The following DST variants were observed in gnomAD, a reference collection of about 807,000 sequenced individuals.
DST encodes the protein dystonin, also known as bullous pemphigoid antigen.
DST carries 253 observed loss-of-function variants against 875.2 expected under a neutral mutation model. That is an observed-to-expected ratio of 0.29 (90% CI 0.26 to 0.32). The LOEUF is 0.32. Ranked by LOEUF, DST falls within the 10% of genes least tolerant of loss-of-function variation. DST has a pLI of 1.00. For missense variants in DST, 8,287 were observed against 9,111.6 expected, an observed-to-expected ratio of 0.91 and a Z score of 3.68; for synonymous variants, 3,124 against 3,197.1, an observed-to-expected ratio of 0.98 and a Z score of 0.77.
At chr6:56,609,664 A>AT (rs1199285699) in intron 39 of DST, among the ~76,000 whole-genome samples, 1 of 152,168 alleles carries the variant, frequency 6.6e-6, no homozygotes, top group Non-Finnish European at 1.5e-5. Flanking sequence ...AACAGAACAC[A>AT]TATCTAGAAG....
chr6:56,697,061 G>A (rs1435895815), intron 9 of DST, among the ~76,000 whole-genome samples: 1 of 152,026 alleles, frequency 6.6e-6, no homozygotes, highest in Non-Finnish European at 1.5e-5. Context: ...GCAGACAGAG[G>A]CACAGGATAT....
chr6:56,557,642 T>C, intron 58 of DST, 124 bp from the exon 59 acceptor site: 1 of 754,704 alleles, frequency 1.3e-6, no homozygotes, highest in South Asian at 1.9e-5. Flanking sequence ...TTTATGACTC[T>C]TGTTACATAG....
Position 56,497,483 on chromosome 6 carries a change from C to G in DST, c.20119G>C (p.Glu6707Gln), listed in dbSNP as rs944605347. ...RQAKGFHGEIEDLQQWLTDTE... is the reference protein window; with the variant it reads ...RQAKGFHGEIQDLQQWLTDTE... ...TCAGTCAGCCACTGCTGCAAATCCT[C>G]AATTTCGCCATGGAACCCTTTGGCC... The change falls in exon 82 of 104, where the codon GAG (glutamate) becomes CAG (glutamine). Residue 6707 changes from glutamate to glutamine, a missense_variant. Glu to Gln is a conservative substitution (Grantham distance 29, BLOSUM62 2). Coordinates refer to ENST00000680361, the MANE Select transcript of DST (RefSeq NM_001374736.1). The G allele has an allele frequency of 2.5e-6, 4 of 1,613,030 alleles. No homozygotes were observed. The highest frequency in any genetic ancestry group is 3.4e-6 in the Non-Finnish European group (4 of 1,179,390).
chr6:56,792,564 T>C (rs1436810440), intron 4 of DST, among the ~76,000 whole-genome samples: 1 of 152,084 alleles, frequency 6.6e-6, no homozygotes, highest in African/African-American at 2.4e-5. Context: ...ATATCCCTAG[T>C]AGCTGGGAAC....
intron 4 of DST, among the ~76,000 whole-genome samples, chr6:56,829,662 AG>A (rs2099784799): frequency 6.6e-6 from 1 of 152,236 alleles, no homozygotes; most frequent in Admixed American, 6.5e-5. Flanking sequence ...TGATGTCAAA[AG>A]TAACCAGATC....
At chr6:56,819,464 A>T (rs949508961) in intron 4 of DST, among the ~76,000 whole-genome samples, 1 of 152,144 alleles carries the variant, frequency 6.6e-6, no homozygotes. Context: ...TTACTTAGTG[A>T]AATTATATAC....
intron 3 of DST, among the ~76,000 whole-genome samples, chr6:56,866,693 T>C (rs1235450203): frequency 1.3e-5 from 2 of 152,218 alleles, no homozygotes; most frequent in African/African-American, 4.8e-5. Flanking sequence ...TCTGAAACAT[T>C]ATGTATTTAC....
chr6:56,612,339 C>T (rs527896516), intron 37 of DST, among the ~76,000 whole-genome samples: 1 of 152,132 alleles, frequency 6.6e-6, no homozygotes, highest in East Asian at 1.9e-4. Flanking sequence ...ACTGCACTCC[C>T]ACATGGGCGA....
chr6:56,552,540 A>G lies in DST; in HGVS notation c.16252T>C (p.Leu5418=). 2 of 1,613,948 alleles carry G rather than the reference A, an allele frequency of 1.2e-6. No individual in the cohort carries two copies. The highest frequency in any genetic ancestry group is 1.3e-5 in the African/African-American group (1 of 75,040). The change falls in exon 61 of 104, where the codon TTG becomes CTG. Residue 5418 remains leucine (L), a synonymous_variant. Transcript: ENST00000680361. ...TTTATAGTTTCCTTTTGCTTTTGCA[A>G]TGTTTCTGCATCTCTCCCCACTGGA... ...MAPVGRDAET[L]QKQKETIKAF... is the part of the protein sequence containing the mutation.
At chr6:56,580,747 TG>T (rs778262353) in intron 49 of DST, among the ~76,000 whole-genome samples, 2 of 142,488 alleles carry the variant, frequency 1.4e-5, no homozygotes, top group Non-Finnish European at 3.1e-5. Context: ...TTTTTTTGGT[TG>T]GGGGGGCAGC....
intron 4 of DST, among the ~76,000 whole-genome samples, chr6:56,754,044 ATTCAC>A (rs2152955112): frequency 6.6e-6 from 1 of 152,336 alleles, no homozygotes; most frequent in East Asian, 1.9e-4. Flanking sequence ...CATTTTGGAA[ATTCAC>A]TTCATACCAC....
chr6:56,664,856 A>G (rs2099064316), intron 10 of DST, among the ~76,000 whole-genome samples: 1 of 152,134 alleles, frequency 6.6e-6, no homozygotes, highest in African/African-American at 2.4e-5. Flanking sequence ...ATTATTTGAA[A>G]CTTTTCCACT....
intron 10 of DST, among the ~76,000 whole-genome samples, chr6:56,664,118 T>C (rs923405403): frequency 1.3e-5 from 2 of 152,146 alleles, no homozygotes; most frequent in African/African-American, 2.4e-5. Flanking sequence ...ACTTAGTGTC[T>C]TTCCATAGAG....
Position 56,552,357 on chromosome 6 carries a change from G to A in DST, c.16435C>T (p.Arg5479Ter), listed in dbSNP as rs2152554942. 6.2e-7 allele frequency: 1 copy of A among 1,613,860 alleles called. No homozygotes were observed. Among genetic ancestry groups the A allele is most frequent in the Non-Finnish European group, 8.5e-7 (1 of 1,179,872 alleles). The change falls in exon 61 of 104, where the codon CGA becomes TGA. Residue 5479 changes from arginine to a stop codon, truncating the protein, a stop_gained. Coordinates refer to ENST00000680361, the MANE Select transcript of DST (RefSeq NM_001374736.1). LOFTEE classifies it high-confidence loss of function. ...LSKQCNKLLD[R>*]AQAREEQVEG... is the part of the protein sequence containing the mutation. ...ACCTGCTCTTCTCTGGCTTGGGCTC[G>A]GTCCAGTAACTTGTTGCATTGTTTG... is the stretch of plus-strand genomic sequence containing the variant.
chr6:56,600,017 G>C (rs1185603500), intron 45 of DST, 52 bp downstream of exon 45: 1 of 1,489,646 alleles, frequency 6.7e-7, no homozygotes, highest in Admixed American at 1.9e-5. Flanking sequence ...CCAAATGATA[G>C]TAATCGAACA....
chr6:56,500,656 A>G (rs1335988132), intron 80 of DST, among the ~76,000 whole-genome samples: 1 of 152,168 alleles, frequency 6.6e-6, no homozygotes, highest in African/African-American at 2.4e-5. Context: ...ACATGGAAAT[A>G]TGGATGACCA....
intron 2 of DST, among the ~76,000 whole-genome samples, chr6:56,913,432 G>A (rs775831575): frequency 6.6e-5 from 10 of 152,090 alleles, no homozygotes; most frequent in African/African-American, 1.4e-4. Flanking sequence ...ATCACTCTTC[G>A]GACAAACTGA....
rs1562352638 is a variant in DST at position 56,494,221 on chromosome 6, TA to T, written c.20224-42del. 4 of 1,538,996 alleles carry T rather than the reference TA, an allele frequency of 2.6e-6. No homozygotes were observed. In the East Asian group the frequency reaches 9.1e-5, roughly 35 times the overall value. The stretch of plus-strand genomic sequence containing the variant: ...CTCAAGTTATATCACTTTAAGAAAG[TA>T]AAATTTAAGAGTTCTATTTTTCTAG... On this transcript the variant is annotated intron_variant, in intron 82 of 103. Coordinates refer to ENST00000680361, the MANE Select transcript of DST (RefSeq NM_001374736.1).
At chr6:56,470,616 G>T (rs1195304092) in intron 95 of DST, among the ~76,000 whole-genome samples, 1 of 151,800 alleles carries the variant, frequency 6.6e-6, no homozygotes, top group Admixed American at 6.6e-5. Context: ...ATCTGTCAGG[G>T]AAATCACATA....
Sources: gnomAD v4.1 joint callset for allele counts (sites outside exome capture counted in the v4.1 genomes callset) on GRCh38, gnomAD v4.1.1 for gene constraint, MANE v1.5 for transcripts, NCBI Gene and HGNC (gene_info 2026-07-23, HGNC 2026-07-21) for gene names.